PRKCZ: variants seen among roughly 807,000 people sequenced by gnomAD.
PRKCZ encodes the protein protein kinase C zeta type.
In PRKCZ, 33 loss-of-function variants were observed where a neutral mutation model predicts 79.5. The observed-to-expected ratio is 0.41, with a 90% CI of 0.31 to 0.55. PRKCZ has a LOEUF of 0.55. Ranked by LOEUF, PRKCZ falls within the 20% of genes least tolerant of loss-of-function variation. The probability of loss-of-function intolerance (pLI) is 0.19; values close to 1 mark genes in which losing one functional copy is unlikely to be tolerated. For synonymous variants in PRKCZ, 342 were observed against 320.9 expected (o/e 1.07, Z -0.70); for missense variants, 578 against 813.5 (o/e 0.71, Z 3.52).
At chr1:2,115,662 C>T (rs928493026) in intron 4 of PRKCZ, among the ~76,000 whole-genome samples, 2 of 152,206 alleles carry the variant, frequency 1.3e-5, no homozygotes, top group African/African-American at 2.4e-5. Context: ...CGGGGGTGTC[C>T]GTGACCCCTT....
At chr1:2,071,724 G>A (rs1452943822) in intron 4 of PRKCZ, among the ~76,000 whole-genome samples, 3 of 152,228 alleles carry the variant, frequency 2.0e-5, no homozygotes, top group South Asian at 2.1e-4. Flanking sequence ...TGAGCCGGCC[G>A]TCTGTGTGAA....
At chr1:2,069,977 G>A (rs1009503638) in intron 4 of PRKCZ, among the ~76,000 whole-genome samples, 2 of 152,134 alleles carry the variant, frequency 1.3e-5, no homozygotes, top group African/African-American at 4.8e-5. Context: ...AGGAGGTGCC[G>A]GGGGTAGCCT....
chr1:2,053,964 G>T (rs1458299423), intron 1 of PRKCZ, among the ~76,000 whole-genome samples: 13 of 152,192 alleles, frequency 8.5e-5, no homozygotes, highest in Admixed American at 7.2e-4. Context: ...GCAGGAAGGG[G>T]TGGGTAGCTG....
At chr1:2,171,954 GC>G in intron 11 of PRKCZ, 100 bp from the exon 12 acceptor site, 1 of 1,396,672 alleles carries the variant, frequency 7.2e-7, no homozygotes, top group Non-Finnish European at 9.6e-7. Flanking sequence ...AGGATGCCGG[GC>G]CCGTGGTGGG....
At chr1:2,088,644 C>T (rs917019035) in intron 4 of PRKCZ, among the ~76,000 whole-genome samples, 1 of 152,172 alleles carries the variant, frequency 6.6e-6, no homozygotes, top group African/African-American at 2.4e-5. Context: ...TGGAATGTCA[C>T]CTCTCCTTTC....
intron 4 of PRKCZ, among the ~76,000 whole-genome samples, chr1:2,101,042 G>A (rs981728307): frequency 1.4e-5 from 2 of 145,846 alleles, no homozygotes; most frequent in Non-Finnish European, 3.0e-5. Context: ...AAAAAAAGGC[G>A]TTAAGATGAT....
At chr1:2,073,784 G>GCGCTCGAGC in intron 4 of PRKCZ, 2 of 1,017,492 alleles carry the variant, frequency 2.0e-6, no homozygotes, top group Non-Finnish European at 2.4e-6. Context: ...TCTGCTCCTC[G>GCGCTCGAGC]CGCTCGAGCC....
chr1:2,173,066 G>C lies in PRKCZ; in HGVS notation c.1285+678G>C, dbSNP rs934395692. Among the ~76,000 whole-genome samples the C allele has an allele frequency of 2.0e-5, 3 of 151,848 alleles. No individual in the cohort carries two copies. The South Asian group carries it at 6.3e-4, about 32-fold the overall frequency. ...TGTGTCGGGCATCCATGTGTGTTGT[G>C]TGCACATGCATACTGTGTTTGTACA... On this transcript the variant is annotated intron_variant, in intron 13 of 17. Coordinates refer to ENST00000378567, the MANE Select transcript of PRKCZ (RefSeq NM_002744.6). This position sits in a 1 kb window ranked among gnomAD's most constrained non-coding sequence, Gnocchi z 5.7.
rs549376158 is a variant in PRKCZ, at chr1:2,104,763, C to T, written c.335-30499C>T. 1.0e-5 allele frequency: 10 copies of T among 985,750 alleles called. No individual in the cohort carries two copies. The South Asian group carries it at 2.3e-4, about 23-fold the overall frequency. The allele number at this position is 985,750 out of a possible 1,614,324, so 61.1% of individuals were successfully genotyped here. A position where few individuals can be genotyped will look rare whatever the true frequency, so the allele number is the denominator to read the frequency against. On this transcript the variant is annotated intron_variant, in intron 4 of 17. Coordinates refer to ENST00000378567, the MANE Select transcript of PRKCZ (RefSeq NM_002744.6). ...AGGCAGGACGCAGCGGGCTGGCCTGCGGGGCTCACTGCTGCCCCCCGGGGC... is the reference window on the plus strand; with the variant it reads ...AGGCAGGACGCAGCGGGCTGGCCTGTGGGGCTCACTGCTGCCCCCCGGGGC...
chr1:2,144,214 C>A lies in PRKCZ; in HGVS notation c.425C>A (p.Ala142Glu). The A allele has an allele frequency of 6.4e-7, 1 of 1,551,852 alleles. No homozygotes were observed. ...LFQAKRFNRR[A>E]YCGQCSERIW... ...ACGCTCTGTTCCCACCTGCAGAGAG[C>A]GTACTGCGGTCAGTGCAGCGAGAGG... The change falls in exon 6 of 18, where the codon GCG becomes GAG. Residue 142 changes from alanine (A) to glutamate (E), a missense_variant. Transcript: ENST00000378567.
intron 4 of PRKCZ, among the ~76,000 whole-genome samples, chr1:2,070,444 C>T (rs1346684386): frequency 1.3e-5 from 2 of 152,158 alleles, no homozygotes; most frequent in African/African-American, 2.4e-5. Context: ...GGGAGGACAC[C>T]GTGACTACTG....
Position 2,148,876 on chromosome 1 carries a change from T to A in PRKCZ, c.639T>A (p.Ala213=). 4 of 1,613,986 alleles carry A rather than the reference T, an allele frequency of 2.5e-6. No individual in the cohort carries two copies. The highest frequency in any genetic ancestry group is 3.4e-6 in the Non-Finnish European group (4 of 1,179,904). The part of the protein sequence containing the change: ...DLPSEETDGI[A]YISSSRKHDS... ...CCTTCCTCCCTCTCTCACCAGTTGCTTACATTTCCTCATCCCGGAAGCATG... is the reference window on the plus strand; with the variant it reads ...CCTTCCTCCCTCTCTCACCAGTTGCATACATTTCCTCATCCCGGAAGCATG... Residue 213 remains alanine, a synonymous_variant, in exon 8 of 18, where the codon GCT becomes GCA. Coordinates refer to ENST00000378567, the MANE Select transcript of PRKCZ (RefSeq NM_002744.6).
chr1:2,140,767 G>A (rs777132939), intron 5 of PRKCZ, among the ~76,000 whole-genome samples: 1 of 152,192 alleles, frequency 6.6e-6, no homozygotes, highest in Non-Finnish European at 1.5e-5. Context: ...TCAGGGGTTC[G>A]AGACGAGCCT....
At chr1:2,103,304 A>G (rs1414872926) in intron 4 of PRKCZ, among the ~76,000 whole-genome samples, 1 of 152,252 alleles carries the variant, frequency 6.6e-6, no homozygotes, top group Non-Finnish European at 1.5e-5. Context: ...TGACTGGGAA[A>G]GGCTTCCCCG....
intron 16 of PRKCZ, among the ~76,000 whole-genome samples, chr1:2,179,307 T>C (rs575555681): frequency 4.6e-5 from 7 of 152,338 alleles, no homozygotes; most frequent in Admixed American, 4.6e-4. Context: ...CTTTGAGTGA[T>C]GGACAGGCTC....
chr1:2,172,372 G>A lies in PRKCZ; in HGVS notation c.1269G>A (p.Leu423=). 1 of 1,613,152 alleles carries A rather than the reference G, an allele frequency of 6.2e-7. No homozygotes were observed. The highest frequency in any genetic ancestry group is 8.5e-7 in the Non-Finnish European group (1 of 1,179,908). ...CGAATTACATCGCCCCCGAAATCCTGCGGGGAGAGGAGTACGGTGAGTGCC... is the reference window on the plus strand; with the variant it reads ...CGAATTACATCGCCCCCGAAATCCTACGGGGAGAGGAGTACGGTGAGTGCC... ...GTPNYIAPEI[L]RGEEYGFSVD... The change falls in exon 13 of 18, where the codon CTG becomes CTA. Residue 423 remains leucine (L), a synonymous_variant. Transcript: ENST00000378567. This position sits in a 1 kb window ranked among gnomAD's most constrained non-coding sequence, Gnocchi z 7.8.
chr1:2,093,794 C>T (rs1185171236), intron 4 of PRKCZ, among the ~76,000 whole-genome samples: 2 of 152,168 alleles, frequency 1.3e-5, no homozygotes, highest in East Asian at 1.9e-4. Flanking sequence ...CTCCTCCCTG[C>T]GGCCTGCCCC....
At chr1:2,105,260 C>A (rs1011724905) in intron 4 of PRKCZ, among the ~76,000 whole-genome samples, 1 of 152,166 alleles carries the variant, frequency 6.6e-6, no homozygotes, top group Non-Finnish European at 1.5e-5. Context: ...TTTGTCCCTG[C>A]CTGGGGGTGA....
At chr1:2,176,608 G>A (rs1053716490) in intron 16 of PRKCZ, among the ~76,000 whole-genome samples, 2 of 152,238 alleles carry the variant, frequency 1.3e-5, no homozygotes, top group African/African-American at 2.4e-5. Context: ...AGTGCATTTT[G>A]GAGGAGGTTG....
Sources: gnomAD v4.1 joint callset for allele counts (sites outside exome capture counted in the v4.1 genomes callset) on GRCh38, gnomAD v4.1.1 for gene constraint, Gnocchi (gnomAD v3.1) non-coding constraint, MANE v1.5 for transcripts, NCBI Gene and HGNC (gene_info 2026-07-23, HGNC 2026-07-21) for gene names.